The following GRID1 variants were observed in gnomAD, a reference collection of about 807,000 sequenced individuals.
GRID1 encodes the protein glutamate receptor ionotropic, delta-1.
Under a neutral mutation model 98.0 loss-of-function variants are expected in GRID1, and 28 were observed. That is an observed-to-expected ratio of 0.29 (90% confidence interval 0.21 to 0.39). The LOEUF (loss-of-function observed/expected upper bound fraction) is 0.39. Among genes scored for constraint, GRID1 ranks in the 10% least tolerant of loss-of-function variants. The probability of loss-of-function intolerance (pLI) is 1.00; values close to 1 mark genes in which losing one functional copy is unlikely to be tolerated. For missense variants in GRID1, 1,111 were observed against 1,340.5 expected, an observed-to-expected ratio of 0.83 and a Z score of 2.67; for synonymous variants, 553 against 538.5, an observed-to-expected ratio of 1.03 and a Z score of -0.37.
intron 2 of GRID1, among the ~76,000 whole-genome samples, chr10:86,263,127 C>T (rs1393567738): frequency 6.6e-6 from 1 of 152,256 alleles, no homozygotes. Flanking sequence ...GAGGCAGAGC[C>T]GCACATAATG....
chr10:85,769,721 G>A (rs988420702), intron 8 of GRID1, among the ~76,000 whole-genome samples: 1 of 152,180 alleles, frequency 6.6e-6, no homozygotes. Flanking sequence ...CTCGCTGATT[G>A]CTAACAAAGC....
At chr10:86,126,588 G>A (rs1844757940) in intron 4 of GRID1, among the ~76,000 whole-genome samples, 1 of 152,244 alleles carries the variant, frequency 6.6e-6, no homozygotes, top group South Asian at 2.1e-4. Context: ...CATAGTTAAT[G>A]AGCTTAAGTT....
intron 4 of GRID1, among the ~76,000 whole-genome samples, chr10:85,979,186 C>T (rs1211825104): frequency 1.3e-5 from 2 of 152,126 alleles, no homozygotes; most frequent in Non-Finnish European, 2.9e-5. Flanking sequence ...CCTGTGTCCT[C>T]CAGCCCCCCT....
chr10:85,739,345 T>TA (rs1841918037), intron 8 of GRID1, among the ~76,000 whole-genome samples: 2 of 152,022 alleles, frequency 1.3e-5, no homozygotes, highest in Admixed American at 6.6e-5. Context: ...CTTGTGAGGC[T>TA]AAGGCAAGAG....
At chr10:86,055,241 T>A (rs545677131) in intron 4 of GRID1, among the ~76,000 whole-genome samples, 2 of 152,262 alleles carry the variant, frequency 1.3e-5, no homozygotes, top group African/African-American at 2.4e-5. Flanking sequence ...TGCATTATTA[T>A]GGCAATAAAT....
intron 3 of GRID1, among the ~76,000 whole-genome samples, chr10:86,178,912 G>A (rs2131999398): frequency 6.6e-6 from 1 of 152,138 alleles, no homozygotes; most frequent in East Asian, 1.9e-4. Context: ...CCTTGACCTT[G>A]GGCAGGCATT....
At chr10:86,046,853 G>A (rs1313664893) in intron 4 of GRID1, among the ~76,000 whole-genome samples, 5 of 113,106 alleles carry the variant, frequency 4.4e-5, no homozygotes, top group African/African-American at 1.7e-4. Context: ...AAATTTTTAA[G>A]CCCATTTCAA....
intron 4 of GRID1, among the ~76,000 whole-genome samples, chr10:86,117,562 ACTG>A (rs370810137): frequency 1.7e-3 from 261 of 151,690 alleles, no homozygotes; most frequent in African/African-American, 5.9e-3. Context: ...TGCCATCACC[ACTG>A]CTATCACTAT....
At chr10:86,066,808 C>T (rs531573244) in intron 4 of GRID1, among the ~76,000 whole-genome samples, 3 of 152,322 alleles carry the variant, frequency 2.0e-5, no homozygotes, top group Middle Eastern at 3.4e-3. Flanking sequence ...AGGAAATGTG[C>T]CTAGATGTCA....
intron 4 of GRID1, among the ~76,000 whole-genome samples, chr10:85,954,059 G>C (rs1021758710): frequency 6.6e-6 from 1 of 152,184 alleles, no homozygotes; most frequent in South Asian, 2.1e-4. Flanking sequence ...AGTCAAATGA[G>C]AGGAGGGGAG....
chr10:85,721,678 G>A (rs1451665788), intron 12 of GRID1, among the ~76,000 whole-genome samples: 3 of 152,216 alleles, frequency 2.0e-5, no homozygotes, highest in Non-Finnish European at 4.4e-5. Context: ...GGTTGCCAGA[G>A]TTGGGGACAG....
chr10:85,921,550 A>T (rs1324100983), intron 4 of GRID1, among the ~76,000 whole-genome samples: 1 of 152,224 alleles, frequency 6.6e-6, no homozygotes, highest in East Asian at 1.9e-4. Context: ...TTCATAGGGA[A>T]ATAGATGTGG....
At chr10:85,920,245 C>T (rs1362904536) in intron 4 of GRID1, among the ~76,000 whole-genome samples, 2 of 152,088 alleles carry the variant, frequency 1.3e-5, no homozygotes, top group Non-Finnish European at 2.9e-5. Flanking sequence ...TCTACTTCTG[C>T]GAAGTCAACT....
At chr10:86,308,154 C>T (rs1589444474) in intron 2 of GRID1, among the ~76,000 whole-genome samples, 1 of 152,206 alleles carries the variant, frequency 6.6e-6, no homozygotes, top group East Asian at 1.9e-4. Flanking sequence ...CCCTGCCATC[C>T]TGCCCATCTT....
intron 4 of GRID1, among the ~76,000 whole-genome samples, chr10:86,050,540 A>G (rs1225127104): frequency 1.3e-5 from 2 of 152,202 alleles, no homozygotes. Flanking sequence ...AGTAATTCTC[A>G]TAGTCAAACA....
chr10:85,926,380 G>T (rs927963542), intron 4 of GRID1, among the ~76,000 whole-genome samples: 1 of 152,214 alleles, frequency 6.6e-6, no homozygotes, highest in Non-Finnish European at 1.5e-5. Context: ...AGCAATAAAA[G>T]TGTGGGGAGA....
intron 8 of GRID1, among the ~76,000 whole-genome samples, chr10:85,732,231 T>C (rs949089934): frequency 1.3e-5 from 2 of 152,140 alleles, no homozygotes; most frequent in Non-Finnish European, 2.9e-5. Flanking sequence ...CTCCTGGGTG[T>C]AGGTGGAGTT....
At chr10:86,054,928 C>A (rs540515731) in intron 4 of GRID1, among the ~76,000 whole-genome samples, 1 of 152,288 alleles carries the variant, frequency 6.6e-6, no homozygotes, top group African/African-American at 2.4e-5. Context: ...AGTGACGTGC[C>A]ACTTCTGAGC....
intron 4 of GRID1, among the ~76,000 whole-genome samples, chr10:86,064,307 G>C (rs1467078861): frequency 6.6e-6 from 1 of 152,204 alleles, no homozygotes; most frequent in Non-Finnish European, 1.5e-5. Flanking sequence ...CTGATCCAAA[G>C]ACCCTCTCAG....
Sources: gnomAD v4.1 joint callset for allele counts (sites outside exome capture counted in the v4.1 genomes callset) on GRCh38, gnomAD v4.1.1 for gene constraint, MANE v1.5 for transcripts, NCBI Gene and HGNC (gene_info 2026-07-23, HGNC 2026-07-21) for gene names.